KATNAL1: variants seen among roughly 807,000 people sequenced by gnomAD.
The protein encoded by KATNAL1 is katanin p60 ATPase-containing subunit A-like 1.
Under a neutral mutation model 55.2 loss-of-function variants are expected in KATNAL1, and 32 were observed. The observed-to-expected ratio is 0.58, with a 90% CI of 0.44 to 0.78. KATNAL1 has a LOEUF of 0.78. Ranked by LOEUF, KATNAL1 falls within the 30% of genes least tolerant of loss-of-function variation. The pLI is 0.00. For synonymous variants in KATNAL1, 193 were observed against 193.6 expected, an observed-to-expected ratio of 1.00 and a Z score of 0.02; for missense variants, 466 against 600.9, an observed-to-expected ratio of 0.78 and a Z score of 2.35.
intron 6 of KATNAL1, among the ~76,000 whole-genome samples, chr13:30,232,413 C>T (rs1400450434): frequency 6.6e-6 from 1 of 152,138 alleles, no homozygotes; most frequent in Non-Finnish European, 1.5e-5. Context: ...TGTCCAAATG[C>T]TTTTCTAGCT....
chr13:30,254,455 T>C (rs749150190), intron 4 of KATNAL1, among the ~76,000 whole-genome samples: 10 of 152,196 alleles, frequency 6.6e-5, no homozygotes, highest in Non-Finnish European at 1.5e-4. Context: ...GAATATGTCT[T>C]TGAACTATCT....
In KATNAL1 at chr13:30,265,513, T is replaced by A. The variant is rs181030922; in HGVS notation, c.324-9898A>T. Among the ~76,000 whole-genome samples, 431 of 151,860 alleles carry A rather than the reference T, an allele frequency of 2.8e-3. 4 individuals are homozygous for A. The highest frequency in any genetic ancestry group is 9.9e-3 in the African/African-American group (409 of 41,392). On this transcript the variant is annotated intron_variant, in intron 3 of 10. Coordinates refer to ENST00000380615, the MANE Select transcript of KATNAL1 (RefSeq NM_032116.5). The stretch of plus-strand genomic sequence containing the variant: ...ACGTTATGATACAAGTTGATATGAG[T>A]TGTTTTGTATCCTCAAGGGTGCTTT...
chr13:30,294,558 A>G (rs1396093404), intron 1 of KATNAL1, among the ~76,000 whole-genome samples: 2 of 152,274 alleles, frequency 1.3e-5, no homozygotes, highest in African/African-American at 4.8e-5. Flanking sequence ...AGCCTTTTCC[A>G]TAACACAAAA....
intron 3 of KATNAL1, among the ~76,000 whole-genome samples, chr13:30,256,278 A>G (rs1878778490): frequency 6.6e-6 from 1 of 152,250 alleles, no homozygotes; most frequent in African/African-American, 2.4e-5. Context: ...ATAAGTATGC[A>G]TGCAAAATAA....
At chr13:30,247,899 G>C (rs1181200732) in intron 4 of KATNAL1, among the ~76,000 whole-genome samples, 1 of 152,132 alleles carries the variant, frequency 6.6e-6, no homozygotes, top group East Asian at 1.9e-4. Context: ...ATACAGAATG[G>C]CTAAAATGAG....
At chr13:30,241,791 T>C (rs762881318) in intron 4 of KATNAL1, among the ~76,000 whole-genome samples, 1 of 152,166 alleles carries the variant, frequency 6.6e-6, no homozygotes, top group Non-Finnish European at 1.5e-5. Context: ...ACTTCTGAGA[T>C]AGTCAAAAGG....
chr13:30,215,092 C>A (rs1311916882), intron 9 of KATNAL1, among the ~76,000 whole-genome samples: 2 of 151,390 alleles, frequency 1.3e-5, no homozygotes, highest in Admixed American at 1.3e-4. Context: ...AAACAAACAA[C>A]CCCATCAAAA....
chr13:30,212,636 C>G (rs1873800054), intron 9 of KATNAL1, among the ~76,000 whole-genome samples: 1 of 152,212 alleles, frequency 6.6e-6, no homozygotes, highest in South Asian at 2.1e-4. Flanking sequence ...GCGGCACTAC[C>G]TAGCAATTCA....
chr13:30,203,517 A>G lies in KATNAL1; in HGVS notation c.*5023T>C, dbSNP rs923536614. ...CGAACAATCAAATGGGAGTCCTTTT[A>G]TAAGAGGGAAACTTCTCTATACAAA... On this transcript the variant is annotated 3_prime_UTR_variant, in exon 11 of 11. Coordinates refer to ENST00000380615, the MANE Select transcript of KATNAL1 (RefSeq NM_032116.5). 1 of 152,190 alleles carries G rather than the reference A, an allele frequency of 6.6e-6. No homozygotes were observed. The highest frequency in any genetic ancestry group is 1.5e-5 in the Non-Finnish European group (1 of 68,038). 9.4% of individuals were successfully genotyped at this position (152,190 alleles called of 1,614,324 possible).
chr13:30,241,486 C>T (rs529587734), intron 4 of KATNAL1, among the ~76,000 whole-genome samples: 1 of 152,220 alleles, frequency 6.6e-6, no homozygotes, highest in South Asian at 2.1e-4. Context: ...ATGCTTTACC[C>T]CAAATTCTTC....
chr13:30,245,622 T>C (rs979698963), intron 4 of KATNAL1, among the ~76,000 whole-genome samples: 4 of 152,230 alleles, frequency 2.6e-5, no homozygotes, highest in African/African-American at 9.6e-5. Context: ...TTGTCTCTGT[T>C]TGCAGATGAC....
At chr13:30,270,947 T>G (rs919726243) in intron 3 of KATNAL1, among the ~76,000 whole-genome samples, 19 of 145,336 alleles carry the variant, frequency 1.3e-4, no homozygotes, top group South Asian at 2.2e-4. Context: ...AAAAGAAAAA[T>G]AAAGCTGACT....
At chr13:30,258,571 C>T (rs758336277) in intron 3 of KATNAL1, among the ~76,000 whole-genome samples, 9 of 152,104 alleles carry the variant, frequency 5.9e-5, no homozygotes, top group Non-Finnish European at 1.2e-4. Context: ...TCTGTAAGTC[C>T]AATTTATCAA....
chr13:30,291,861 C>A (rs537208277), intron 1 of KATNAL1, among the ~76,000 whole-genome samples: 1 of 152,028 alleles, frequency 6.6e-6, no homozygotes, highest in East Asian at 1.9e-4. Flanking sequence ...CATGAAGAAA[C>A]CTCGTCTCTA....
At position 30,249,210 on chromosome 13, in the gene KATNAL1, C is replaced by T. The variant is rs147802225; in HGVS notation, c.492+6237G>A. Among the ~76,000 whole-genome samples, 170 of 151,144 alleles carry T rather than the reference C, an allele frequency of 1.1e-3. 1 individual carries two copies. The highest frequency in any genetic ancestry group is 4.0e-3 in the African/African-American group (165 of 41,096). The stretch of plus-strand genomic sequence containing the variant: ...TTGCACCATTGAACTCCAACCTAGG[C>T]GACAAGAGCGAAATTCTGTCTCAAA... On this transcript the variant is annotated intron_variant, in intron 4 of 10. Transcript: ENST00000380615.
chr13:30,248,903 C>T (rs1878037506), intron 4 of KATNAL1, among the ~76,000 whole-genome samples: 1 of 152,114 alleles, frequency 6.6e-6, no homozygotes, highest in Non-Finnish European at 1.5e-5. Context: ...ACCAAAAATA[C>T]AAAAAATTAG....
chr13:30,270,053 G>A (rs1218073845), intron 3 of KATNAL1, among the ~76,000 whole-genome samples: 1,316 of 98,624 alleles, frequency 0.013, 2 homozygotes, highest in East Asian at 0.029. Flanking sequence ...CCGGCCAGCC[G>A]CCCCATCCGG....
chr13:30,291,652 A>C (rs1427144565), intron 1 of KATNAL1, among the ~76,000 whole-genome samples: 1 of 152,204 alleles, frequency 6.6e-6, no homozygotes, highest in Non-Finnish European at 1.5e-5. Flanking sequence ...ACACAGATGT[A>C]TTCAGGTGGG....
chr13:30,284,586 T>C (rs1459241011), intron 1 of KATNAL1, among the ~76,000 whole-genome samples: 3 of 152,240 alleles, frequency 2.0e-5, no homozygotes, highest in East Asian at 1.9e-4. Flanking sequence ...TAGTTGTCCA[T>C]GTACCATTTA....
Sources: allele counts gnomAD v4.1 joint callset (sites outside exome capture counted in the v4.1 genomes callset), GRCh38; gene constraint gnomAD v4.1.1; transcripts MANE v1.5; gene names NCBI Gene and HGNC (gene_info 2026-07-23, HGNC 2026-07-21).